The following YES1 variants were observed in gnomAD, a reference collection of about 807,000 sequenced individuals.
The protein encoded by YES1 is YES proto-oncogene 1, Src family tyrosine kinase.
A neutral mutation model predicts 70.4 loss-of-function variants in YES1; 39 were observed. That is an observed-to-expected ratio of 0.55 (90% confidence interval 0.43 to 0.72). The LOEUF (loss-of-function observed/expected upper bound fraction) is 0.72. Ranked by LOEUF, YES1 falls within the 30% of genes least tolerant of loss-of-function variation. The pLI is 0.00. For missense variants in YES1, 495 were observed against 644.8 expected (o/e 0.77, Z 2.52); for synonymous variants, 198 against 218.6 (o/e 0.91, Z 0.83).
chr18:733,158 C>G (rs1374520053), intron 10 of YES1, among the ~76,000 whole-genome samples, 193 bp from the exon 11 acceptor site: 1 of 152,022 alleles, frequency 6.6e-6, no homozygotes, highest in Non-Finnish European at 1.5e-5. Flanking sequence ...ACATTTCTTC[C>G]TGATTAGACA....
chr18:723,871 A>G lies in YES1; in HGVS notation c.*553T>C, dbSNP rs1168385978. ...TGAGATCCTGTTTATATTCCTTTTG[A>G]AAAACCTGGCCCATGTCCATGCAAA... On this transcript the variant is annotated 3_prime_UTR_variant, in exon 12 of 12. Transcript: ENST00000314574. The G allele has an allele frequency of 2.0e-5, 3 of 153,684 alleles. No homozygotes were observed. The highest frequency in any genetic ancestry group is 4.4e-5 in the Non-Finnish European group (3 of 68,776). The allele number at this position is 153,684 out of a possible 1,614,324, so 9.5% of individuals were successfully genotyped here.
chr18:792,663 G>GAGC (rs914323287), intron 1 of YES1, among the ~76,000 whole-genome samples: 23 of 151,376 alleles, frequency 1.5e-4, no homozygotes, highest in South Asian at 2.1e-4. Flanking sequence ...GGAGCAGCAG[G>GAGC]AGCAGCAGCA....
intron 4 of YES1, among the ~76,000 whole-genome samples, chr18:746,360 C>T (rs1217267177): frequency 1.3e-5 from 2 of 152,088 alleles, no homozygotes; most frequent in African/African-American, 4.8e-5. Context: ...CTGTCAGTGA[C>T]AAATGGAAAT....
chr18:735,501 T>G, intron 10 of YES1, among the ~76,000 whole-genome samples: 2 of 140,782 alleles, frequency 1.4e-5, no homozygotes. Context: ...GGGGGAAAGG[T>G]TGGGGGGTGG....
intron 6 of YES1, among the ~76,000 whole-genome samples, chr18:744,064 A>G (rs910223089): frequency 4.1e-4 from 62 of 150,020 alleles, no homozygotes; most frequent in Non-Finnish European, 1.5e-4. Flanking sequence ...GTATAACTTA[A>G]AATATATATT....
At chr18:732,104 A>C (rs2080097287) in intron 11 of YES1, among the ~76,000 whole-genome samples, 1 of 152,036 alleles carries the variant, frequency 6.6e-6, no homozygotes. Context: ...AAAGAATCTC[A>C]AAATAATCTA....
At position 768,577 on chromosome 18, in the gene YES1, CAT is replaced by C. The variant is rs547012513; in HGVS notation, c.-8-11744_-8-11743del. ...TCTATTTCCAACTCTTCATCACTAA[CAT>C]ATACCATCATGTGCAGCGTAACATT... is the stretch of plus-strand genomic sequence containing the variant. On this transcript the variant is annotated intron_variant, in intron 1 of 11. Coordinates refer to ENST00000314574, the MANE Select transcript of YES1 (RefSeq NM_005433.4). Among the ~76,000 whole-genome samples, 305 of 152,300 alleles carry C rather than the reference CAT, an allele frequency of 2.0e-3. 1 individual carries two copies. Among genetic ancestry groups the C allele is most frequent in the African/African-American group, 6.9e-3 (288 of 41,564 alleles).
chr18:764,787 C>G (rs1424228171), intron 1 of YES1, among the ~76,000 whole-genome samples: 1 of 151,794 alleles, frequency 6.6e-6, no homozygotes, highest in Admixed American at 6.6e-5. Flanking sequence ...GGCTGGAGTG[C>G]AGTGGCGCGA....
At chr18:745,615 T>A in intron 6 of YES1, 93 bp downstream of exon 6, 1 of 1,206,656 alleles carries the variant, frequency 8.3e-7, no homozygotes. Context: ...TGTAAATAAG[T>A]GTGTTAAATC....
At chr18:743,783 G>A (rs569853486) in intron 6 of YES1, among the ~76,000 whole-genome samples, 2 of 151,854 alleles carry the variant, frequency 1.3e-5, no homozygotes, top group African/African-American at 2.4e-5. Flanking sequence ...GTGCATGCCT[G>A]TAGTCTCAGC....
chr18:760,340 C>T (rs374657147), intron 1 of YES1, among the ~76,000 whole-genome samples: 13 of 151,980 alleles, frequency 8.6e-5, no homozygotes, highest in African/African-American at 1.9e-4. Context: ...TGTGGTGGTG[C>T]GCACCTGTAG....
In YES1 at chr18:797,462, C is replaced by CA. The variant is rs199524663; in HGVS notation, c.-9+14651dup. On this transcript the variant is annotated intron_variant, in intron 1 of 11. Transcript: ENST00000314574. The stretch of plus-strand genomic sequence containing the variant: ...ATTATGGAAAGAGGAAAAACAAAAC[C>CA]AAAAAAAAACACAGGTAGAAAAGCA... Among the ~76,000 whole-genome samples the CA allele has an allele frequency of 4.8e-3, 706 of 148,170 alleles. 4 individuals carry two copies. The highest frequency in any genetic ancestry group is 0.015 in the African/African-American group (615 of 40,406).
chr18:806,783 G>A (rs1390321545), intron 1 of YES1, among the ~76,000 whole-genome samples: 1 of 152,200 alleles, frequency 6.6e-6, no homozygotes, highest in Non-Finnish European at 1.5e-5. Flanking sequence ...ATAATGATGT[G>A]TACTTCTTAC....
intron 1 of YES1, among the ~76,000 whole-genome samples, chr18:778,537 G>A (rs1165560189): frequency 6.6e-6 from 1 of 152,124 alleles, no homozygotes; most frequent in African/African-American, 2.4e-5. Flanking sequence ...ACTCTAATAA[G>A]TTAACTAATT....
chr18:737,050 C>A, intron 9 of YES1, 89 bp from the exon 10 acceptor site: 1 of 1,106,640 alleles, frequency 9.0e-7, no homozygotes, highest in Non-Finnish European at 1.3e-6. Flanking sequence ...AATTGTGTCA[C>A]TGAAAATCAT....
At chr18:768,962 C>G (rs555891091) in intron 1 of YES1, among the ~76,000 whole-genome samples, 11 of 152,210 alleles carry the variant, frequency 7.2e-5, no homozygotes, top group African/African-American at 2.4e-4. Flanking sequence ...CTCAGCCTCC[C>G]GAAGTGCTGG....
At chr18:792,685 G>A (rs1906330591) in intron 1 of YES1, among the ~76,000 whole-genome samples, 1 of 151,976 alleles carries the variant, frequency 6.6e-6, no homozygotes, top group African/African-American at 2.4e-5. Flanking sequence ...CAGCAGCCAT[G>A]TGCAGTGGCT....
chr18:762,920 T>C (rs1904669057), intron 1 of YES1, among the ~76,000 whole-genome samples: 1 of 152,188 alleles, frequency 6.6e-6, no homozygotes, highest in Non-Finnish European at 1.5e-5. Flanking sequence ...AGAGTGGAGG[T>C]ATGTACAAAA....
At chr18:777,348 T>C (rs1905433262) in intron 1 of YES1, among the ~76,000 whole-genome samples, 1 of 152,254 alleles carries the variant, frequency 6.6e-6, no homozygotes. Flanking sequence ...TGATTAATTC[T>C]ATTCAACAAC....
Sources: gnomAD v4.1 joint callset for allele counts (sites outside exome capture counted in the v4.1 genomes callset) on GRCh38, gnomAD v4.1.1 for gene constraint, MANE v1.5 for transcripts, NCBI Gene and HGNC (gene_info 2026-07-23, HGNC 2026-07-21) for gene names.